Variants in TMEM138 observed in about 807,000 individuals in gnomAD.
TMEM138 encodes the protein transmembrane protein 138.
A neutral mutation model predicts 18.1 loss-of-function variants in TMEM138; 9 were observed. That is an observed-to-expected ratio of 0.50 (90% confidence interval 0.30 to 0.87). The LOEUF (loss-of-function observed/expected upper bound fraction) is 0.87, where lower values mean the gene tolerates loss of function less well. TMEM138 is among the 40% of genes least tolerant of loss of function. The probability of loss-of-function intolerance (pLI) is 0.06; values close to 1 mark genes in which losing one functional copy is unlikely to be tolerated. For synonymous variants in TMEM138, 79 were observed against 74.8 expected (o/e 1.06, Z -0.29); for missense variants, 189 against 190.6 (o/e 0.99, Z 0.05).
At chr11:61,374,184 G>C (rs1858404817), downstream of TMEM138, among the ~76,000 whole-genome samples, 1 of 118,134 alleles carries the variant, frequency 8.5e-6, no homozygotes, top group Non-Finnish European at 1.6e-5. Context: ...GTTTCGCTCT[G>C]TCACCTAGGC....
chr11:61,362,916 T>G (rs988700599), intron 1 of TMEM138: 5 of 152,198 alleles, frequency 3.3e-5, no homozygotes, highest in African/African-American at 1.2e-4. Context: ...TTTATCGTGG[T>G]GTGAGTACCT....
chr11:61,364,266 G>A lies in TMEM138; in HGVS notation c.-125G>A. On this transcript the variant is annotated 5_prime_UTR_variant, in exon 2 of 5. Coordinates refer to ENST00000278826, the MANE Select transcript of TMEM138 (RefSeq NM_016464.5). ...TGCTCCAACAGGTGCTTGCCTTAGA[G>A]CAAGGGAAACAGCTCTCATTCAAAG... 1 of 1,230,276 alleles carries A rather than the reference G, an allele frequency of 8.1e-7. No homozygotes were observed. Among genetic ancestry groups the A allele is most frequent in the Non-Finnish European group, 1.1e-6 (1 of 881,114 alleles). The allele number at this position is 1,230,276 out of a possible 1,614,324, so 76.2% of individuals were successfully genotyped here.
intron 3 of TMEM138, 86 bp downstream of exon 3, chr11:61,366,302 C>A: frequency 7.0e-7 from 1 of 1,435,988 alleles, no homozygotes; most frequent in Non-Finnish European, 9.3e-7. Flanking sequence ...TGGTCTCAAA[C>A]TCCTGAGCTC....
chr11:61,363,495 A>G (rs1858017264), intron 1 of TMEM138: 1 of 152,218 alleles, frequency 6.6e-6, no homozygotes, highest in Admixed American at 6.5e-5. Flanking sequence ...AAATTTCTTT[A>G]TAGATTTGGC....
At chr11:61,373,902 G>A (rs576272242), downstream of TMEM138, among the ~76,000 whole-genome samples, 147 of 152,068 alleles carry the variant, frequency 9.7e-4, 2 homozygotes, top group South Asian at 0.029. Flanking sequence ...GTAGTGCAGT[G>A]GTGCAATCCT....
chr11:61,374,431 A>G (rs1406733660), downstream of TMEM138, among the ~76,000 whole-genome samples: 1 of 152,020 alleles, frequency 6.6e-6, no homozygotes, highest in Non-Finnish European at 1.5e-5. Flanking sequence ...GATTACAGGT[A>G]CGAGCCACTG....
In TMEM138 at chr11:61,366,082, A is replaced by G. The variant is rs144007146; in HGVS notation, c.166A>G (p.Ile56Val). 3.2e-5 allele frequency: 51 copies of G among 1,613,532 alleles called. No individual in the cohort carries two copies. Among genetic ancestry groups the G allele is most frequent in the Non-Finnish European group, 4.2e-5 (49 of 1,179,870 alleles). Residue 56 changes from isoleucine (I) to valine (V), a missense_variant, in exon 3 of 5, where the codon ATT (isoleucine) becomes GTT (valine). Physicochemically the swap from Ile to Val is conservative, Grantham distance 29. Coordinates refer to ENST00000278826, the MANE Select transcript of TMEM138 (RefSeq NM_016464.5). Reference sequence around the variant, plus strand: ...TGCAGTCCTCTTCAACATCATCATCATTTTCCTCATGTTCTTCAACACCTT... The same window carrying G: ...TGCAGTCCTCTTCAACATCATCATCGTTTTCCTCATGTTCTTCAACACCTT... ...DIAVLFNIII[I>V]FLMFFNTFVF...
At chr11:61,372,338 G>A (rs530883463), downstream of TMEM138, among the ~76,000 whole-genome samples, 68 of 152,030 alleles carry the variant, frequency 4.5e-4, no homozygotes, top group Non-Finnish European at 7.5e-4. Flanking sequence ...GTCTCACTCT[G>A]TCTCCCAGGC....
In TMEM138 at chr11:61,367,896, C is replaced by G. The variant is rs1565079325; in HGVS notation, c.301-27C>G. Reference sequence around the variant, plus strand: ...CATTAGGGCTTCTTGTGGCCATTAACTTTTGTGTATCTCACATCTCCTTCA... The same window carrying G: ...CATTAGGGCTTCTTGTGGCCATTAAGTTTTGTGTATCTCACATCTCCTTCA... On this transcript the variant is annotated intron_variant, in intron 3 of 4. Coordinates refer to ENST00000278826, the MANE Select transcript of TMEM138 (RefSeq NM_016464.5). 3.3e-6 allele frequency: 5 copies of G among 1,536,776 alleles called. No individual in the cohort carries two copies. In the South Asian group the frequency reaches 5.6e-5, roughly 17 times the overall value.
intron 2 of TMEM138, 133 bp from the exon 3 acceptor site, chr11:61,365,912 C>CT: frequency 2.6e-6 from 3 of 1,152,084 alleles, no homozygotes; most frequent in Non-Finnish European, 3.6e-6. Context: ...CATGTTATCT[C>CT]TGTGAGGGTT....
intron 3 of TMEM138, chr11:61,367,524 A>G (rs971942414): frequency 6.4e-6 from 1 of 155,750 alleles, no homozygotes; most frequent in Non-Finnish European, 1.4e-5. Flanking sequence ...GAGCCAAAAT[A>G]GGTCCTGGCT....
chr11:61,365,496 G>A (rs1397409940), intron 2 of TMEM138, among the ~76,000 whole-genome samples: 1 of 152,014 alleles, frequency 6.6e-6, no homozygotes, highest in Non-Finnish European at 1.5e-5. Flanking sequence ...TGGCCAGGCT[G>A]GTCTCAAACT....
At chr11:61,367,707 C>T (rs890310811) in intron 3 of TMEM138, 14 of 537,960 alleles carry the variant, frequency 2.6e-5, no homozygotes, top group African/African-American at 2.3e-4. Context: ...GAATAAATAA[C>T]TTAGTTCATA....
intron 4 of TMEM138, 73 bp from the exon 5 acceptor site, chr11:61,368,524 C>T (rs1858236661): frequency 7.6e-6 from 8 of 1,050,854 alleles, no homozygotes; most frequent in African/African-American, 1.6e-5. Flanking sequence ...CCACGCCTGG[C>T]CAGGTTCTGT....
rs1477684645 is a variant in TMEM138, at chr11:61,366,025, A to T, written c.129-20A>T. ...CCTCACACAGGCCTTCATTGGTTGT[A>T]CTTTTTTTTATGTCTACAGCATCCA... On this transcript the variant is annotated intron_variant, in intron 2 of 4. Coordinates refer to ENST00000278826, the MANE Select transcript of TMEM138 (RefSeq NM_016464.5). 1.2e-6 allele frequency: 2 copies of T among 1,603,852 alleles called. No homozygotes were observed. Among genetic ancestry groups the T allele is most frequent in the Admixed American group, 3.4e-5 (2 of 58,804 alleles).
downstream of TMEM138, among the ~76,000 whole-genome samples, chr11:61,370,760 AACC>A (rs137991562): frequency 6.6e-6 from 1 of 152,256 alleles, no homozygotes; most frequent in East Asian, 1.9e-4. Context: ...ACAACCACTT[AACC>A]ACGACACTGA....
intron 1 of TMEM138, chr11:61,363,086 A>C (rs1341942680): frequency 6.6e-6 from 1 of 152,234 alleles, no homozygotes; most frequent in East Asian, 1.9e-4. Flanking sequence ...AAATACAAAA[A>C]ATTAGCCAGG....
downstream of TMEM138, among the ~76,000 whole-genome samples, chr11:61,371,732 G>A (rs1221174052): frequency 6.6e-6 from 1 of 152,246 alleles, no homozygotes; most frequent in Non-Finnish European, 1.5e-5. Context: ...TTGATTTTAT[G>A]TATTTTAGGG....
chr11:61,364,156 A>G (rs186330359), intron 1 of TMEM138, 96 bp from the exon 2 acceptor site: 2 of 394,540 alleles, frequency 5.1e-6, no homozygotes, highest in East Asian at 4.2e-5. Flanking sequence ...AAAGTATCCC[A>G]TGCAACTGGA....
Sources: allele counts gnomAD v4.1 joint callset (sites outside exome capture counted in the v4.1 genomes callset), GRCh38; gene constraint gnomAD v4.1.1; transcripts MANE v1.5; gene names NCBI Gene and HGNC (gene_info 2026-07-23, HGNC 2026-07-21).